AKT1S1: variants seen among roughly 807,000 people sequenced by gnomAD.
AKT1S1 encodes proline-rich AKT1 substrate 1.
Under a neutral mutation model 21.2 loss-of-function variants are expected in AKT1S1, and 17 were observed. The observed-to-expected ratio is 0.80, with a 90% CI of 0.55 to 1.20. The LOEUF is 1.20. Ranked by LOEUF, AKT1S1 falls within the 50% of genes most tolerant of loss-of-function variation. The pLI is 0.00. For missense variants in AKT1S1, 366 were observed against 368.3 expected, an observed-to-expected ratio of 0.99 and a Z score of 0.05; for synonymous variants, 181 against 165.6, an observed-to-expected ratio of 1.09 and a Z score of -0.72.
Position 49,873,347 on chromosome 19 carries a change from A to G in AKT1S1, c.-7-45T>C. The G allele has an allele frequency of 7.1e-7, 1 of 1,400,568 alleles. No homozygotes were observed. The highest frequency in any genetic ancestry group is 9.2e-7 in the Non-Finnish European group (1 of 1,086,122). 86.8% of individuals were successfully genotyped at this position (1,400,568 alleles called of 1,614,324 possible). On this transcript the variant is annotated intron_variant, in intron 1 of 4. Transcript: ENST00000344175. This position sits in a 1 kb window ranked among gnomAD's most constrained non-coding sequence, Gnocchi z 6.9. ...AGAGGGGGCTGAGGCTTGGCGGCCT[A>G]CATCATCGCCACCCACTCAGAGTGC...
chr19:49,871,984 A>AC lies in AKT1S1; in HGVS notation c.380-96dup, dbSNP rs2074890611. 27 of 1,274,826 alleles carry AC rather than the reference A, an allele frequency of 2.1e-5. 1 individual carries two copies. In the South Asian group the frequency reaches 2.3e-4, roughly 11 times the overall value. 79.0% of individuals were successfully genotyped at this position (1,274,826 alleles called of 1,614,324 possible). On this transcript the variant is annotated intron_variant, in intron 2 of 4. Transcript: ENST00000344175. ...AGCCACGGCCACTGCCACAGCCACC[A>AC]CCTCCACCTCCCTGAAGCTTCTGAG...
At chr19:49,877,877 C>A, upstream of AKT1S1, 2 of 1,125,116 alleles carry the variant, frequency 1.8e-6, no homozygotes, top group South Asian at 1.6e-5. Context: ...TATAAACGCG[C>A]CGTCACCCTC....
In AKT1S1 at chr19:49,873,700, A is replaced by C. The variant is rs1432905846; in HGVS notation, c.-7-398T>G. On this transcript the variant is annotated intron_variant, in intron 1 of 4. Transcript: ENST00000344175. This position sits in a 1 kb window ranked among gnomAD's most constrained non-coding sequence, Gnocchi z 6.9. ...TGGGTTCTGAAGACTGAGTACAATAAAGCCGAACGAGCCGGGCGTGGTGGC... is the reference window on the plus strand; with the variant it reads ...TGGGTTCTGAAGACTGAGTACAATACAGCCGAACGAGCCGGGCGTGGTGGC... The C allele has an allele frequency of 4.6e-5, 8 of 175,552 alleles. No individual in the cohort carries two copies. Among genetic ancestry groups the C allele is most frequent in the Non-Finnish European group, 8.3e-5 (7 of 83,968 alleles). 10.9% of individuals were successfully genotyped at this position (175,552 alleles called of 1,614,324 possible). A position where few individuals can be genotyped will look rare whatever the true frequency, so the allele number is the denominator to read the frequency against.
chr19:49,877,539 C>G (rs901095898), upstream of AKT1S1: 10 of 578,948 alleles, frequency 1.7e-5, no homozygotes, highest in South Asian at 4.5e-5. Flanking sequence ...CCACGTGACT[C>G]CGATCCACCC....
Position 49,869,755 on chromosome 19 carries a change from C to A in AKT1S1, c.*162G>T. On this transcript the variant is annotated 3_prime_UTR_variant, in exon 5 of 5. Transcript: ENST00000344175. ...GCTCCTCGGCGCGGCAGGTCGTGGG[C>A]TGGAAGGACGGCGGGGATTGGCAGA... 4.6e-6 allele frequency: 4 copies of A among 860,318 alleles called. No individual in the cohort carries two copies. Among genetic ancestry groups the A allele is most frequent in the Non-Finnish European group, 6.6e-6 (4 of 609,842 alleles). 53.3% of individuals were successfully genotyped at this position (860,318 alleles called of 1,614,324 possible).
chr19:49,876,373 C>A (rs1031712279), intron 1 of AKT1S1: 3 of 1,165,848 alleles, frequency 2.6e-6, no homozygotes, highest in East Asian at 3.2e-5. Context: ...AGATCCCAGG[C>A]GCTCTGGAAC....
chr19:49,873,713 C>T lies in AKT1S1; in HGVS notation c.-7-411G>A, dbSNP rs552615101. On this transcript the variant is annotated intron_variant, in intron 1 of 4. Coordinates refer to ENST00000344175, the MANE Select transcript of AKT1S1 (RefSeq NM_001098633.4). The surrounding 1 kb of genome is among the most constrained non-coding windows in gnomAD (Gnocchi z 6.9). ...CTGAGTACAATAAAGCCGAACGAGC[C>T]GGGCGTGGTGGCTCAGGCCTGCAAC... The T allele has an allele frequency of 4.5e-4, 75 of 167,186 alleles. No homozygotes were observed. Among genetic ancestry groups the T allele is most frequent in the South Asian group, 1.6e-3 (8 of 5,098 alleles). 10.4% of individuals were successfully genotyped at this position (167,186 alleles called of 1,614,324 possible). A position where few individuals can be genotyped will look rare whatever the true frequency, so the allele number is the denominator to read the frequency against.
In AKT1S1 at chr19:49,873,540, C is replaced by T; in HGVS notation, c.-7-238G>A. On this transcript the variant is annotated intron_variant, in intron 1 of 4. Transcript: ENST00000344175. This position sits in a 1 kb window ranked among gnomAD's most constrained non-coding sequence, Gnocchi z 6.9. ...AACCCATTCCTCCTGCCCCAAGTCA[C>T]TGTACTCCTTCCCCTTTGGCCCTGC... The T allele has an allele frequency of 1.4e-6, 1 of 696,584 alleles. No individual in the cohort carries two copies. The highest frequency in any genetic ancestry group is 2.1e-6 in the Non-Finnish European group (1 of 471,604). 43.2% of individuals were successfully genotyped at this position (696,584 alleles called of 1,614,324 possible).
chr19:49,873,316 C>G lies in AKT1S1; in HGVS notation c.-7-14G>C. 2.7e-6 allele frequency: 4 copies of G among 1,458,808 alleles called. No individual in the cohort carries two copies. The highest frequency in any genetic ancestry group is 3.6e-6 in the Non-Finnish European group (4 of 1,118,034). The allele number at this position is 1,458,808 out of a possible 1,614,324, so 90.4% of individuals were successfully genotyped here. A position where few individuals can be genotyped will look rare whatever the true frequency, so the allele number is the denominator to read the frequency against. ...GCCATCCGCGCCCTGCGGGCCAGAGCAGGACAGAGGGGGCTGAGGCTTGGC... is the reference window on the plus strand; with the variant it reads ...GCCATCCGCGCCCTGCGGGCCAGAGGAGGACAGAGGGGGCTGAGGCTTGGC... On this transcript the variant is annotated splice_polypyrimidine_tract_variant and intron_variant, in intron 1 of 4. Transcript: ENST00000344175. This position sits in a 1 kb window ranked among gnomAD's most constrained non-coding sequence, Gnocchi z 6.9.
intron 1 of AKT1S1, chr19:49,877,032 C>T: frequency 4.3e-6 from 1 of 229,912 alleles, no homozygotes; most frequent in East Asian, 8.4e-5. Context: ...AACCTGCTCC[C>T]ATTCGGCACG....
chr19:49,870,748 C>T (rs2074874763), intron 4 of AKT1S1, among the ~76,000 whole-genome samples: 1 of 151,944 alleles, frequency 6.6e-6, no homozygotes, highest in African/African-American at 2.4e-5. Context: ...GGGCACAGCA[C>T]GCAAGAGGCC....
At chr19:49,877,868 A>T (rs1045183496), upstream of AKT1S1, 12 of 1,227,398 alleles carry the variant, frequency 9.8e-6, no homozygotes, top group African/African-American at 1.5e-4. Flanking sequence ...CCGATCTCTT[A>T]TAAACGCGCC....
chr19:49,874,286 C>T (rs1033709859), intron 1 of AKT1S1: 3 of 152,326 alleles, frequency 2.0e-5, no homozygotes, highest in African/African-American at 7.2e-5. Context: ...CCAGAGGGAA[C>T]TGGCTGGTTC....
chr19:49,876,543 GC>G, intron 1 of AKT1S1: 1 of 1,462,584 alleles, frequency 6.8e-7, no homozygotes, highest in Non-Finnish European at 9.1e-7. Flanking sequence ...CCAGCGCCCC[GC>G]TGCCTCAGGA....
intron 1 of AKT1S1, chr19:49,876,625 G>A: frequency 2.0e-6 from 3 of 1,530,794 alleles, no homozygotes; most frequent in African/African-American, 1.4e-5. Context: ...AGCATGGCCG[G>A]CCCGGCGCCG....
chr19:49,871,001 C>G (rs1041705005), intron 4 of AKT1S1, among the ~76,000 whole-genome samples: 7 of 152,192 alleles, frequency 4.6e-5, no homozygotes, highest in African/African-American at 7.2e-5. Context: ...TGAAACACAC[C>G]TGGGTTCCAG....
At position 49,869,383 on chromosome 19, in the gene AKT1S1, T is replaced by TA. The variant is rs1491203401; in HGVS notation, c.*533dup. 1 of 150,252 alleles carries TA rather than the reference T, an allele frequency of 6.7e-6. No individual in the cohort carries two copies. The highest frequency in any genetic ancestry group is 1.5e-5 in the Non-Finnish European group (1 of 68,002). The allele number at this position is 150,252 out of a possible 1,614,324, so 9.3% of individuals were successfully genotyped here. On this transcript the variant is annotated 3_prime_UTR_variant, in exon 5 of 5. Coordinates refer to ENST00000344175, the MANE Select transcript of AKT1S1 (RefSeq NM_001098633.4). Reference sequence around the variant, plus strand: ...AAAGACGACCCCAGTCCCCGTAGTGTAAAGAACGTAAATTGAAGGCCCCGG... The same window carrying TA: ...AAAGACGACCCCAGTCCCCGTAGTGTAAAAGAACGTAAATTGAAGGCCCCGG...
At position 49,869,363 on chromosome 19, in the gene AKT1S1, C is replaced by A. The variant is rs1334083764; in HGVS notation, c.*554G>T. 1 of 152,744 alleles carries A rather than the reference C, an allele frequency of 6.5e-6. No homozygotes were observed. Among genetic ancestry groups the A allele is most frequent in the Non-Finnish European group, 1.5e-5 (1 of 68,050 alleles). The allele number at this position is 152,744 out of a possible 1,614,324, so 9.5% of individuals were successfully genotyped here. ...CAAGTTGTCGGGACGTGGGCAAAGA[C>A]GACCCCAGTCCCCGTAGTGTAAAGA... On this transcript the variant is annotated 3_prime_UTR_variant, in exon 5 of 5. Coordinates refer to ENST00000344175, the MANE Select transcript of AKT1S1 (RefSeq NM_001098633.4).
In AKT1S1 at chr19:49,869,346, C is replaced by G. The variant is rs1230377767; in HGVS notation, c.*571G>C. ...CTGAGGGGGTCAGGGAACAAGTTGT[C>G]GGGACGTGGGCAAAGACGACCCCAG... On this transcript the variant is annotated 3_prime_UTR_variant, in exon 5 of 5. Transcript: ENST00000344175. 6.5e-6 allele frequency: 1 copy of G among 152,738 alleles called. No individual in the cohort carries two copies. The highest frequency in any genetic ancestry group is 6.5e-5 in the Admixed American group (1 of 15,282). 9.5% of individuals were successfully genotyped at this position (152,738 alleles called of 1,614,324 possible). A position where few individuals can be genotyped will look rare whatever the true frequency, so the allele number is the denominator to read the frequency against.
Sources: allele counts gnomAD v4.1 joint callset (sites outside exome capture counted in the v4.1 genomes callset), GRCh38; gene constraint gnomAD v4.1.1; non-coding constraint Gnocchi (gnomAD v3.1); transcripts MANE v1.5; gene names NCBI Gene and HGNC (gene_info 2026-07-23, HGNC 2026-07-21).